ACAD9: variants seen among roughly 807,000 people sequenced by gnomAD.
ACAD9 encodes the protein complex I assembly factor ACAD9, mitochondrial.
ACAD9 carries 53 observed loss-of-function variants against 70.2 expected under a neutral mutation model. That is an observed-to-expected ratio of 0.75 (90% CI 0.61 to 0.95). The LOEUF (loss-of-function observed/expected upper bound fraction) is 0.95, where lower values mean the gene tolerates loss of function less well. ACAD9 is among the 40% of genes least tolerant of loss of function. The pLI is 0.00. For missense variants in ACAD9, 777 were observed against 802.8 expected (o/e 0.97, Z 0.39); for synonymous variants, 313 against 312.1 (o/e 1.00, Z -0.03).
intron 9 of ACAD9, among the ~76,000 whole-genome samples, chr3:128,903,416 C>T (rs1224796935): frequency 1.3e-5 from 2 of 152,216 alleles, no homozygotes; most frequent in Non-Finnish European, 1.5e-5. Flanking sequence ...GGCACAAGGC[C>T]TCTGGGGAGC....
Position 128,879,746 on chromosome 3 carries a change from G to C in ACAD9, c.55G>C (p.Gly19Arg). The C allele has an allele frequency of 6.2e-7, 1 of 1,613,300 alleles. No individual in the cohort carries two copies. Among genetic ancestry groups the C allele is most frequent in the Non-Finnish European group, 8.5e-7 (1 of 1,179,992 alleles). ...RTTAAARACR[G>R]LVVSTANRRL... ...CACGGCTGCGGCTCGTGCCTGCCGGGGTCTGGTGGTCTCTACCGCGAACCG... is the reference window on the plus strand; with the variant it reads ...CACGGCTGCGGCTCGTGCCTGCCGGCGTCTGGTGGTCTCTACCGCGAACCG... Residue 19 changes from glycine to arginine, a missense_variant, in exon 1 of 18, where the codon GGT (glycine) becomes CGT (arginine). Transcript: ENST00000308982.
In ACAD9 at chr3:128,912,488, C is replaced by T. The variant is rs1297726460; in HGVS notation, c.1766-19C>T. ...ACGGTGCAGAAAGATCACCCACCATCTCTCCTTTTCCTTCCCAGATGCTCC... is the reference window on the plus strand; with the variant it reads ...ACGGTGCAGAAAGATCACCCACCATTTCTCCTTTTCCTTCCCAGATGCTCC... On this transcript the variant is annotated intron_variant, in intron 17 of 17. Transcript: ENST00000308982. 5.6e-6 allele frequency: 9 copies of T among 1,606,538 alleles called. No individual in the cohort carries two copies. The highest frequency in any genetic ancestry group is 7.7e-6 in the Non-Finnish European group (9 of 1,173,244).
chr3:128,908,348 G>A, intron 13 of ACAD9, 84 bp downstream of exon 13: 1 of 1,513,328 alleles, frequency 6.6e-7, no homozygotes. Context: ...GGAAAGAGCT[G>A]CCTTGACCTG....
Position 128,887,990 on chromosome 3 carries a change from T to C in ACAD9, c.244+3244T>C, listed in dbSNP as rs573467423. ...CACATCCTCCCACAACTGGCCTCTATGAAAACCAACCAGGACAGACAACCC... is the reference window on the plus strand; with the variant it reads ...CACATCCTCCCACAACTGGCCTCTACGAAAACCAACCAGGACAGACAACCC... On this transcript the variant is annotated intron_variant, in intron 2 of 17. Transcript: ENST00000308982. Among the ~76,000 whole-genome samples the C allele has an allele frequency of 2.6e-5, 4 of 152,248 alleles. No homozygotes were observed. The East Asian group carries it at 7.7e-4, about 29-fold the overall frequency.
At chr3:128,899,523 GGTGTGTGTGTGTGTGTGTGTGTGTGT>G (rs63473460) in intron 7 of ACAD9, 62 bp downstream of exon 7, 14 of 1,068,766 alleles carry the variant, frequency 1.3e-5, no homozygotes, top group East Asian at 2.8e-5. Flanking sequence ...GGCCTTTGAC[GGTGTGTGTGTGTGTGTGTGTGTGTGT>G]GTGTGTGTGT....
intron 6 of ACAD9, among the ~76,000 whole-genome samples, chr3:128,898,237 G>A (rs563175394): frequency 7.3e-4 from 111 of 152,132 alleles, no homozygotes; most frequent in African/African-American, 2.5e-3. Context: ...CCCTAACTCC[G>A]GCAGTCACCT....
intron 12 of ACAD9, among the ~76,000 whole-genome samples, chr3:128,907,164 G>A (rs1007065664): frequency 6.6e-6 from 1 of 152,178 alleles, no homozygotes; most frequent in Non-Finnish European, 1.5e-5. Context: ...CAGGTCTGGT[G>A]ATGAGAGGCA....
In ACAD9 at chr3:128,902,455, T is replaced by G; in HGVS notation, c.883-98T>G. ...CATTAGGATGGTGCTTTCTCCCAGC[T>G]TGAGGGAAGGCAAGCTGATCCACCT... On this transcript the variant is annotated intron_variant, in intron 8 of 17. Transcript: ENST00000308982. This position sits in a 1 kb window ranked among gnomAD's most constrained non-coding sequence, Gnocchi z 4.0. The G allele has an allele frequency of 8.2e-7, 1 of 1,220,406 alleles. No homozygotes were observed. The highest frequency in any genetic ancestry group is 1.2e-6 in the Non-Finnish European group (1 of 823,104). 75.6% of individuals were successfully genotyped at this position (1,220,406 alleles called of 1,614,324 possible).
At chr3:128,896,801 A>G (rs905630429) in intron 5 of ACAD9, among the ~76,000 whole-genome samples, 1 of 152,238 alleles carries the variant, frequency 6.6e-6, no homozygotes, top group African/African-American at 2.4e-5. Context: ...GACATACAAT[A>G]TAGTAATAAC....
At chr3:128,881,483 C>G (rs1935092664) in intron 1 of ACAD9, among the ~76,000 whole-genome samples, 1 of 152,216 alleles carries the variant, frequency 6.6e-6, no homozygotes, top group East Asian at 1.9e-4. Context: ...CTGGCAAAAC[C>G]AACCTCTCAT....
chr3:128,904,172 G>T (rs1448186359), intron 10 of ACAD9, 40 bp downstream of exon 10: 1 of 1,606,674 alleles, frequency 6.2e-7, no homozygotes, highest in East Asian at 2.2e-5. Flanking sequence ...ATTTCACTGT[G>T]TGACATGAAC....
At chr3:128,896,176 T>G (rs1935562779) in intron 4 of ACAD9, among the ~76,000 whole-genome samples, 1 of 152,152 alleles carries the variant, frequency 6.6e-6, no homozygotes, top group East Asian at 1.9e-4. Context: ...GTCTGGGAAA[T>G]GAAGGAACTG....
chr3:128,885,728 A>T (rs1416506753), intron 2 of ACAD9, among the ~76,000 whole-genome samples: 2 of 151,232 alleles, frequency 1.3e-5, no homozygotes, highest in Admixed American at 6.6e-5. Flanking sequence ...TTTAAAATAT[A>T]CTGTGGGGCT....
At position 128,910,153 on chromosome 3, in the gene ACAD9, AG is replaced by A. The variant is rs1201641446; in HGVS notation, c.1692+5del. ...GCTCCGCAACCACGACCACGAGGTG[AG>A]CCCAGCCCAGCCTCACACAGGGCCT... is the stretch of plus-strand genomic sequence containing the variant. On this transcript the variant is annotated splice_donor_5th_base_variant and intron_variant, in intron 16 of 17. Transcript: ENST00000308982. The A allele has an allele frequency of 6.2e-7, 1 of 1,613,942 alleles. No homozygotes were observed. Among genetic ancestry groups the A allele is most frequent in the Admixed American group, 1.7e-5 (1 of 60,018 alleles).
chr3:128,910,429 G>A (rs1936150509), intron 16 of ACAD9: 3 of 1,260,906 alleles, frequency 2.4e-6, no homozygotes, highest in Non-Finnish European at 1.1e-6. Context: ...TGTGCTGGAG[G>A]GAGGCGGGTG....
chr3:128,901,329 G>C lies in ACAD9; in HGVS notation c.862G>C (p.Glu288Gln), dbSNP rs1432771195. ...TKIPVENILG[E>Q]VGDGFKVAMN... ...GATACCTGTGGAAAACATCCTTGGA[G>C]AGGTCGGAGATGGGTTTAAGGTGAG... Residue 288 changes from glutamate to glutamine, a missense_variant, in exon 8 of 18, where the codon GAG (glutamate) becomes CAG (glutamine). Transcript: ENST00000308982. 1.9e-6 allele frequency: 3 copies of C among 1,614,064 alleles called. No individual in the cohort carries two copies. The highest frequency in any genetic ancestry group is 1.7e-6 in the Non-Finnish European group (2 of 1,180,014).
chr3:128,910,784 A>C lies in ACAD9; in HGVS notation c.1736A>C (p.Asn579Thr). The C allele has an allele frequency of 6.2e-7, 1 of 1,614,096 alleles. No homozygotes were observed. Among genetic ancestry groups the C allele is most frequent in the Non-Finnish European group, 8.5e-7 (1 of 1,180,030 alleles). ...NTFCVEAYLQ[N>T]LFSLSQLDKY... ...TTCTGCGTGGAAGCTTACTTGCAGA[A>C]TCTCTTCAGCCTCTCTCAGCTGGAC... Residue 579 changes from asparagine to threonine, a missense_variant, in exon 17 of 18, where the codon AAT becomes ACT. By Grantham distance (65) the Asn-to-Thr change is moderately conservative (BLOSUM62 0). Transcript: ENST00000308982.
At chr3:128,891,911 G>T (rs550308472) in intron 2 of ACAD9, among the ~76,000 whole-genome samples, 4 of 152,144 alleles carry the variant, frequency 2.6e-5, no homozygotes, top group Non-Finnish European at 1.5e-5. Context: ...TGTTTATACT[G>T]TTTATTGAAT....
rs1935483215 is a variant in ACAD9 at position 128,893,599 on chromosome 3, A to G, written c.289A>G (p.Thr97Ala). Residue 97 changes from threonine (T) to alanine (A), a missense_variant, in exon 3 of 18, where the codon ACT (threonine) becomes GCT (alanine). Coordinates refer to ENST00000308982, the MANE Select transcript of ACAD9 (RefSeq NM_014049.5). The stretch of plus-strand genomic sequence containing the variant: ...CCAGGAAGGGAAAATCCCAGATGAA[A>G]CTTTGGAGAAATTGAAGAGCCTAGG... ...IDQEGKIPDE[T>A]LEKLKSLGLF... 6.2e-7 allele frequency: 1 copy of G among 1,614,070 alleles called. No homozygotes were observed. Among genetic ancestry groups the G allele is most frequent in the East Asian group, 2.2e-5 (1 of 44,898 alleles).
Sources: allele counts gnomAD v4.1 joint callset (sites outside exome capture counted in the v4.1 genomes callset), GRCh38; gene constraint gnomAD v4.1.1; non-coding constraint Gnocchi (gnomAD v3.1); transcripts MANE v1.5; gene names NCBI Gene and HGNC (gene_info 2026-07-23, HGNC 2026-07-21).